The following OR2C1 variants were observed in gnomAD, a reference collection of about 807,000 sequenced individuals.
OR2C1 encodes olfactory receptor family 2 subfamily C member 1, also known as olfactory receptor 2C1.
For missense variants in OR2C1, 468 were observed against 388.3 expected, an observed-to-expected ratio of 1.21 and a Z score of -1.73; for synonymous variants, 209 against 167.3, an observed-to-expected ratio of 1.25 and a Z score of -1.92.
Position 3,356,189 on chromosome 16 carries a change from C to A in OR2C1, c.249C>A (p.Ile83=). 6.2e-7 allele frequency: 1 copy of A among 1,614,202 alleles called. No homozygotes were observed. The highest frequency in any genetic ancestry group is 8.5e-7 in the Non-Finnish European group (1 of 1,180,048). ...FATSSVPQML[I]NLWGPGKTIS... ...CTAGTTCAGTCCCCCAAATGCTGAT[C>A]AATTTATGGGGACCAGGCAAGACCA... Residue 83 remains isoleucine (I), a synonymous_variant, in exon 1 of 1, where the codon ATC becomes ATA. Coordinates refer to ENST00000304936, the MANE Select transcript of OR2C1 (RefSeq NM_012368.3).
At chr16:3,344,401 T>A in the OR2C1 span, among the ~76,000 whole-genome samples, 1 of 152,130 alleles carries the variant, frequency 6.6e-6, no homozygotes, top group African/African-American at 2.4e-5. Flanking sequence ...AAACTTGAGA[T>A]AACATTTTAT....
upstream of OR2C1, among the ~76,000 whole-genome samples, chr16:3,352,679 C>T (rs79780315): frequency 6.6e-6 from 1 of 151,834 alleles, no homozygotes; most frequent in East Asian, 1.9e-4. Context: ...ACCAGCCCCC[C>T]ACAGACCAAA....
chr16:3,340,778 A>G, the OR2C1 span, among the ~76,000 whole-genome samples: 1 of 152,098 alleles, frequency 6.6e-6, no homozygotes, highest in African/African-American at 2.4e-5. Context: ...ATATAGGTTT[A>G]TTTCTGGAAC....
chr16:3,350,985 G>A (rs35821524), upstream of OR2C1, among the ~76,000 whole-genome samples: 1 of 143,432 alleles, frequency 7.0e-6, no homozygotes, highest in Non-Finnish European at 1.5e-5. Context: ...AGGCTGCAGT[G>A]AGCTATCATT....
the OR2C1 span, among the ~76,000 whole-genome samples, chr16:3,325,548 C>T: frequency 7.0e-6 from 1 of 143,390 alleles, no homozygotes. Flanking sequence ...TGAGTGTGTG[C>T]TGTTGGAAAA....
At chr16:3,332,152 A>C in the OR2C1 span, among the ~76,000 whole-genome samples, 1 of 151,338 alleles carries the variant, frequency 6.6e-6, no homozygotes, top group South Asian at 2.1e-4. Context: ...GGTGCAGCGC[A>C]CCAGCATGGC....
In OR2C1 at chr16:3,356,212, C is replaced by A; in HGVS notation, c.272C>A (p.Thr91Asn). 6.2e-7 allele frequency: 1 copy of A among 1,614,222 alleles called. No homozygotes were observed. The highest frequency in any genetic ancestry group is 1.3e-5 in the African/African-American group (1 of 75,062). The change falls in exon 1 of 1, where the codon ACC (threonine) becomes AAC (asparagine). Residue 91 changes from threonine to asparagine, a missense_variant. Thr to Asn is a moderately conservative substitution (Grantham distance 65, BLOSUM62 0). Transcript: ENST00000304936. ...ATCAATTTATGGGGACCAGGCAAGA[C>A]CATCAGCTATGGTGGCTGCATAACC... Reference protein sequence around the residue: ...MLINLWGPGKTISYGGCITQL... With the variant: ...MLINLWGPGKNISYGGCITQL...
the OR2C1 span, among the ~76,000 whole-genome samples, chr16:3,331,530 T>A: frequency 2.6e-3 from 396 of 150,866 alleles, no homozygotes; most frequent in Admixed American, 7.6e-3. Flanking sequence ...GGTCTAACGT[T>A]TAAGTCTTTA....
upstream of OR2C1, among the ~76,000 whole-genome samples, chr16:3,353,970 T>TG (rs1401580546): frequency 2.6e-5 from 3 of 117,080 alleles, no homozygotes; most frequent in African/African-American, 6.7e-5. Flanking sequence ...TTTGTTTGTT[T>TG]TTCTTTTCTT....
the OR2C1 span, among the ~76,000 whole-genome samples, chr16:3,344,173 A>G: frequency 2.0e-5 from 3 of 152,094 alleles, no homozygotes; most frequent in Admixed American, 1.3e-4. Flanking sequence ...GTGAGCCGAG[A>G]TCGCACCACT....
At chr16:3,326,226 G>A in the OR2C1 span, among the ~76,000 whole-genome samples, 10 of 152,174 alleles carry the variant, frequency 6.6e-5, no homozygotes, top group East Asian at 1.9e-3. Context: ...ACCGTGCCTG[G>A]CTCAAGTGCA....
Position 3,357,126 on chromosome 16 carries a change from G to C in OR2C1, c.*247G>C, listed in dbSNP as rs2030694809. The C allele has an allele frequency of 4.3e-6, 2 of 461,082 alleles. No homozygotes were observed. The highest frequency in any genetic ancestry group is 3.9e-5 in the African/African-American group (2 of 51,028). 28.6% of individuals were successfully genotyped at this position (461,082 alleles called of 1,614,324 possible). A position where few individuals can be genotyped will look rare whatever the true frequency, so the allele number is the denominator to read the frequency against. The stretch of plus-strand genomic sequence containing the variant: ...GGGGAGACATGTTGTTGAGGGCTCA[G>C]AGGTTATTGACCTGTGACAGACCTG... On this transcript the variant is annotated 3_prime_UTR_variant, in exon 1 of 1. Coordinates refer to ENST00000304936, the MANE Select transcript of OR2C1 (RefSeq NM_012368.3).
rs1292609760 is a variant in OR2C1 at position 3,356,078 on chromosome 16, C to T, written c.138C>T (p.Ile46=). The change falls in exon 1 of 1, where the codon ATC becomes ATT. Residue 46 remains isoleucine, a synonymous_variant. Transcript: ENST00000304936. ...LLTLLGNSTI[I]LLSRLEARLH... is the part of the protein sequence containing the mutation. ...CCCTACTTGGGAACTCAACCATCAT[C>T]TTGCTTTCCCGCCTGGAGGCCCGGC... 6.2e-7 allele frequency: 1 copy of T among 1,614,084 alleles called. No homozygotes were observed. Among genetic ancestry groups the T allele is most frequent in the Non-Finnish European group, 8.5e-7 (1 of 1,180,050 alleles).
chr16:3,338,606 C>A, the OR2C1 span, among the ~76,000 whole-genome samples: 1 of 133,912 alleles, frequency 7.5e-6, no homozygotes, highest in Non-Finnish European at 1.5e-5. Context: ...GGCGCGCTCT[C>A]GGCTCACTGC....
chr16:3,351,847 G>T (rs80106648), upstream of OR2C1, among the ~76,000 whole-genome samples: 551 of 146,728 alleles, frequency 3.8e-3, 4 homozygotes, highest in African/African-American at 0.013. Context: ...TTGTGCTGTT[G>T]AATTTTTGTA....
At chr16:3,343,234 C>A in the OR2C1 span, among the ~76,000 whole-genome samples, 9 of 152,192 alleles carry the variant, frequency 5.9e-5, no homozygotes, top group East Asian at 1.7e-3. Context: ...ACACACAAAT[C>A]AGCACAAGTA....
chr16:3,356,673 C>G lies in OR2C1; in HGVS notation c.733C>G (p.Leu245Val). The change falls in exon 1 of 1, where the codon CTG becomes GTG. Residue 245 changes from leucine (L) to valine (V), a missense_variant. Physicochemically the swap from Leu to Val is conservative, Grantham distance 32. Coordinates refer to ENST00000304936, the MANE Select transcript of OR2C1 (RefSeq NM_012368.3). ...RKAFNTCLSH[L>V]LVVFLFYGSA... ...GGCGTTCAATACGTGCCTCTCCCAT[C>G]TGCTGGTGGTGTTCCTCTTCTATGG... 6.2e-7 allele frequency: 1 copy of G among 1,614,206 alleles called. No homozygotes were observed. Among genetic ancestry groups the G allele is most frequent in the Non-Finnish European group, 8.5e-7 (1 of 1,180,018 alleles).
chr16:3,323,161 A>G, the OR2C1 span: 1 of 600,460 alleles, frequency 1.7e-6, no homozygotes, highest in African/African-American at 1.9e-5. Context: ...ATTGATAAAA[A>G]TTTACTGCAG....
the OR2C1 span, among the ~76,000 whole-genome samples, chr16:3,325,435 A>G: frequency 6.9e-6 from 1 of 145,208 alleles, no homozygotes; most frequent in African/African-American, 2.5e-5. Flanking sequence ...ATAGTCTTTA[A>G]GGGTGTAATT....
Sources: allele counts gnomAD v4.1 joint callset (sites outside exome capture counted in the v4.1 genomes callset), GRCh38; gene constraint gnomAD v4.1.1; transcripts MANE v1.5; gene names NCBI Gene and HGNC (gene_info 2026-07-23, HGNC 2026-07-21).